Variants in MEIS2 observed in about 807,000 individuals in gnomAD.
MEIS2 encodes the protein Meis homeobox 2, also known as homeobox protein Meis2.
A neutral mutation model predicts 58.6 loss-of-function variants in MEIS2; 9 were observed. That is an observed-to-expected ratio of 0.15 (90% confidence interval 0.09 to 0.27). The LOEUF (loss-of-function observed/expected upper bound fraction) is 0.27, where lower values mean the gene tolerates loss of function less well. Among genes scored for constraint, MEIS2 ranks in the 10% least tolerant of loss-of-function variants. MEIS2 has a pLI of 1.00. For synonymous variants in MEIS2, 221 were observed against 228.4 expected (o/e 0.97, Z 0.29); for missense variants, 427 against 635.0 (o/e 0.67, Z 3.52).
intron 7 of MEIS2, among the ~76,000 whole-genome samples, chr15:37,078,389 G>A (rs1380368905): frequency 1.3e-5 from 2 of 150,316 alleles, no homozygotes; most frequent in African/African-American, 4.9e-5. Context: ...ATAAAAATAT[G>A]GTTCTCTTTC....
At chr15:37,012,176 A>G (rs1389082500) in intron 8 of MEIS2, among the ~76,000 whole-genome samples, 1 of 152,224 alleles carries the variant, frequency 6.6e-6, no homozygotes, top group Non-Finnish European at 1.5e-5. Context: ...ACGGATGCAT[A>G]TAATCTCATC....
At chr15:37,086,728 G>A (rs1567280353) in intron 6 of MEIS2, among the ~76,000 whole-genome samples, 1 of 152,208 alleles carries the variant, frequency 6.6e-6, no homozygotes, top group Non-Finnish European at 1.5e-5. Context: ...AGGAAGAACA[G>A]ATAAATCCCT....
chr15:36,935,268 GCCT>G (rs2058124920), intron 9 of MEIS2, among the ~76,000 whole-genome samples: 1 of 148,862 alleles, frequency 6.7e-6, no homozygotes, highest in African/African-American at 2.5e-5. Context: ...TTTTTGTTCA[GCCT>G]CCCTCCCCAA....
intron 9 of MEIS2, among the ~76,000 whole-genome samples, chr15:36,905,638 A>T (rs1023042506): frequency 1.6e-4 from 25 of 152,224 alleles, no homozygotes; most frequent in Admixed American, 5.2e-4. Flanking sequence ...ATCCTAAAAA[A>T]AATTAGACCA....
chr15:36,970,012 C>T (rs1466281049), intron 8 of MEIS2, among the ~76,000 whole-genome samples: 3 of 152,090 alleles, frequency 2.0e-5, no homozygotes, highest in Non-Finnish European at 4.4e-5. Context: ...GGATTATTGA[C>T]ACTGACTCTG....
At chr15:36,931,279 A>G (rs1399450313) in intron 9 of MEIS2, among the ~76,000 whole-genome samples, 1 of 152,240 alleles carries the variant, frequency 6.6e-6, no homozygotes, top group Non-Finnish European at 1.5e-5. Context: ...CATATTGAAA[A>G]TAAATGCTGT....
At chr15:36,917,327 T>C (rs1282547842) in intron 9 of MEIS2, among the ~76,000 whole-genome samples, 1 of 152,180 alleles carries the variant, frequency 6.6e-6, no homozygotes, top group Non-Finnish European at 1.5e-5. Flanking sequence ...AGGAAGAATA[T>C]AGAAAAACAT....
chr15:36,906,366 C>A (rs2056737112), intron 9 of MEIS2, among the ~76,000 whole-genome samples: 1 of 151,886 alleles, frequency 6.6e-6, no homozygotes, highest in South Asian at 2.1e-4. Flanking sequence ...ACAAAACGAG[C>A]TCTGATTAAG....
chr15:37,094,068 G>A (rs752365869), intron 5 of MEIS2: 2 of 298,124 alleles, frequency 6.7e-6, no homozygotes, highest in African/African-American at 2.2e-5. Flanking sequence ...CAACATTGGA[G>A]CTGGGGAGAG....
intron 3 of MEIS2, chr15:37,095,988 C>T (rs1248378389): frequency 6.8e-6 from 3 of 439,818 alleles, no homozygotes; most frequent in African/African-American, 2.0e-5. Context: ...CCCCTCTCCC[C>T]AATTCTTGTT....
chr15:37,037,714 C>T (rs1159330615), intron 7 of MEIS2, among the ~76,000 whole-genome samples: 1 of 152,324 alleles, frequency 6.6e-6, no homozygotes, highest in South Asian at 2.1e-4. Flanking sequence ...TGAAAGCCTG[C>T]CTGGAGGGCA....
At chr15:37,053,531 T>C (rs2063013629) in intron 7 of MEIS2, among the ~76,000 whole-genome samples, 1 of 152,322 alleles carries the variant, frequency 6.6e-6, no homozygotes, top group East Asian at 1.9e-4. Flanking sequence ...AAGTTGGTAA[T>C]GACTTCCTCA....
At chr15:36,995,769 A>G (rs566587972) in intron 8 of MEIS2, among the ~76,000 whole-genome samples, 248 of 125,738 alleles carry the variant, frequency 2.0e-3, no homozygotes, top group Non-Finnish European at 3.7e-3. Context: ...AAAGAAAGAA[A>G]AAAAACCTAG....
chr15:36,952,374 T>C (rs1378923530), intron 8 of MEIS2, among the ~76,000 whole-genome samples: 1 of 152,192 alleles, frequency 6.6e-6, no homozygotes, highest in African/African-American at 2.4e-5. Context: ...ATAGGTTATT[T>C]ACCCAACAGA....
intron 8 of MEIS2, among the ~76,000 whole-genome samples, chr15:37,001,574 C>T (rs2060729175): frequency 1.3e-5 from 2 of 152,162 alleles, no homozygotes; most frequent in African/African-American, 4.8e-5. Flanking sequence ...TATGCAGATT[C>T]TTCCTCCAGA....
chr15:37,073,391 C>T (rs969197172), intron 7 of MEIS2, among the ~76,000 whole-genome samples: 1 of 152,000 alleles, frequency 6.6e-6, no homozygotes, highest in Non-Finnish European at 1.5e-5. Flanking sequence ...GTACTCCCCC[C>T]ACCACCACAT....
At chr15:36,922,490 T>C (rs1288171739) in intron 9 of MEIS2, among the ~76,000 whole-genome samples, 1 of 152,114 alleles carries the variant, frequency 6.6e-6, no homozygotes, top group East Asian at 1.9e-4. Context: ...ATGTTACATT[T>C]TACGGGAGTT....
chr15:37,051,319 G>C (rs1206768928), intron 7 of MEIS2, among the ~76,000 whole-genome samples: 1 of 152,142 alleles, frequency 6.6e-6, no homozygotes, highest in Non-Finnish European at 1.5e-5. Flanking sequence ...CCCCCAGCAT[G>C]GTACATTTTG....
At chr15:37,037,032 G>A (rs2062185944) in intron 7 of MEIS2, 73 bp from the exon 8 acceptor site, 1 of 1,372,324 alleles carries the variant, frequency 7.3e-7, no homozygotes, top group East Asian at 2.4e-5. Context: ...CTAATGATGA[G>A]CTCAGCTAAG....
Sources: allele counts gnomAD v4.1 joint callset (sites outside exome capture counted in the v4.1 genomes callset), GRCh38; gene constraint gnomAD v4.1.1; transcripts MANE v1.5; gene names NCBI Gene and HGNC (gene_info 2026-07-23, HGNC 2026-07-21).